Variants in BRINP1 observed in about 807,000 individuals in gnomAD.
BRINP1 encodes the protein BMP/retinoic acid inducible neural specific 1, also known as BMP/retinoic acid-inducible neural-specific protein 1.
In BRINP1, 17 loss-of-function variants were observed where a neutral mutation model predicts 72.9. The observed-to-expected ratio is 0.23, with a 90% CI of 0.16 to 0.35. BRINP1 has a LOEUF of 0.35. Among genes scored for constraint, BRINP1 ranks in the 10% least tolerant of loss-of-function variants. The pLI, the probability that BRINP1 is intolerant of heterozygous loss-of-function variation, is 1.00. For synonymous variants in BRINP1, 418 were observed against 378.5 expected (o/e 1.10, Z -1.21); for missense variants, 850 against 1,001.6 (o/e 0.85, Z 2.04).
At chr9:119,288,537 T>C (rs767023716) in intron 2 of BRINP1, among the ~76,000 whole-genome samples, 2 of 151,786 alleles carry the variant, frequency 1.3e-5, no homozygotes, top group Non-Finnish European at 2.9e-5. Flanking sequence ...CAAAATGAGG[T>C]CTTTTCATCA....
chr9:119,288,490 A>G (rs1830789696), intron 2 of BRINP1, among the ~76,000 whole-genome samples: 1 of 152,184 alleles, frequency 6.6e-6, no homozygotes, highest in Non-Finnish European at 1.5e-5. Context: ...GTAATGAGAA[A>G]GAGTGGGAAA....
At chr9:119,258,447 T>C (rs1830466865) in intron 2 of BRINP1, among the ~76,000 whole-genome samples, 1 of 152,160 alleles carries the variant, frequency 6.6e-6, no homozygotes, top group South Asian at 2.1e-4. Context: ...AAAGGAAGCT[T>C]AGAATGCACT....
intron 7 of BRINP1, among the ~76,000 whole-genome samples, chr9:119,169,009 T>G (rs1291287398): frequency 6.6e-6 from 1 of 152,166 alleles, no homozygotes; most frequent in South Asian, 2.1e-4. Context: ...TATAAATCAT[T>G]CTACTATAAA....
intron 1 of BRINP1, among the ~76,000 whole-genome samples, chr9:119,341,438 G>A (rs183500099): frequency 6.6e-6 from 1 of 152,258 alleles, no homozygotes; most frequent in African/African-American, 2.4e-5. Flanking sequence ...ACTTACAATG[G>A]TTTGACTTTG....
intron 5 of BRINP1, among the ~76,000 whole-genome samples, chr9:119,222,827 C>A (rs925758061): frequency 2.0e-5 from 3 of 151,888 alleles, no homozygotes; most frequent in Admixed American, 1.3e-4. Flanking sequence ...AGGAAGCCAG[C>A]ATACTTTTTT....
chr9:119,189,328 C>T (rs1236153227), intron 7 of BRINP1, among the ~76,000 whole-genome samples: 2 of 152,064 alleles, frequency 1.3e-5, no homozygotes, highest in Non-Finnish European at 2.9e-5. Context: ...TCTTCCGTAT[C>T]AATAATGACA....
chr9:119,211,641 G>A (rs1829929838), intron 6 of BRINP1, among the ~76,000 whole-genome samples: 1 of 152,232 alleles, frequency 6.6e-6, no homozygotes, highest in African/African-American at 2.4e-5. Context: ...CTTTGGGCTG[G>A]TCATTAATCT....
intron 7 of BRINP1, among the ~76,000 whole-genome samples, chr9:119,199,487 A>G (rs1478140112): frequency 1.3e-5 from 2 of 152,182 alleles, no homozygotes; most frequent in African/African-American, 2.4e-5. Flanking sequence ...AGAGATTTTC[A>G]TCTCAACAAT....
At chr9:119,203,780 T>C (rs1357648548) in intron 7 of BRINP1, among the ~76,000 whole-genome samples, 1 of 152,194 alleles carries the variant, frequency 6.6e-6, no homozygotes, top group Non-Finnish European at 1.5e-5. Context: ...TATTGCTTCA[T>C]TATTGTTGTT....
intron 7 of BRINP1, among the ~76,000 whole-genome samples, chr9:119,206,785 A>G (rs10760026): frequency 0.56 from 85,187 of 151,874 alleles, 24,331 homozygotes; most frequent in East Asian, 0.67. Context: ...TGCTCGATGC[A>G]GGTCTCATGG....
At chr9:119,208,619 C>A in intron 7 of BRINP1, 100 bp downstream of exon 7, 1 of 1,263,088 alleles carries the variant, frequency 7.9e-7, no homozygotes. Context: ...GTTTGCCACC[C>A]CACAAATGCA....
chr9:119,194,643 G>A (rs1188681679), intron 7 of BRINP1, among the ~76,000 whole-genome samples: 1 of 152,218 alleles, frequency 6.6e-6, no homozygotes, highest in Non-Finnish European at 1.5e-5. Flanking sequence ...CCTTGTGCAA[G>A]GCCTGGAGAA....
chr9:119,195,462 T>G (rs774113425), intron 7 of BRINP1, among the ~76,000 whole-genome samples: 5 of 152,200 alleles, frequency 3.3e-5, no homozygotes, highest in Non-Finnish European at 7.3e-5. Flanking sequence ...GGCCGACTGA[T>G]CCTCACTCTA....
At chr9:119,342,506 T>G (rs969043783) in intron 1 of BRINP1, among the ~76,000 whole-genome samples, 3 of 152,194 alleles carry the variant, frequency 2.0e-5, no homozygotes, top group African/African-American at 7.2e-5. Context: ...AGCCTGAGTT[T>G]TCATCCCAAA....
intron 1 of BRINP1, among the ~76,000 whole-genome samples, chr9:119,360,214 G>A (rs1009984956): frequency 2.5e-4 from 38 of 152,218 alleles, no homozygotes; most frequent in African/African-American, 9.2e-4. Context: ...TCTCCAAAAT[G>A]TGTCCCAGCA....
chr9:119,321,080 G>A (rs1470909518), intron 1 of BRINP1, among the ~76,000 whole-genome samples: 7 of 152,138 alleles, frequency 4.6e-5, no homozygotes, highest in Admixed American at 3.9e-4. Flanking sequence ...ACAGGCGCCT[G>A]CCACTGTGCC....
chr9:119,179,166 GAC>G (rs561276143), intron 7 of BRINP1, among the ~76,000 whole-genome samples: 304 of 152,276 alleles, frequency 2.0e-3, no homozygotes, highest in Non-Finnish European at 3.8e-3. Context: ...CACAAAGGCT[GAC>G]ACAACCCCAC....
rs373476157 is a variant in BRINP1 at position 119,168,135 on chromosome 9, C to T, written c.1235G>A (p.Ser412Asn). ...FWGTFLESQRSCVCHGSTTLC... is the reference protein window; with the variant it reads ...FWGTFLESQRNCVCHGSTTLC... Reference sequence around the variant, plus strand: ...CGTGGTGCTGCCGTGGCACACGCAGCTCCGCTGGCTCTCCAGGAAGGTTCC... The same window carrying T: ...CGTGGTGCTGCCGTGGCACACGCAGTTCCGCTGGCTCTCCAGGAAGGTTCC... Residue 412 changes from serine (S) to asparagine (N), a missense_variant, in exon 8 of 8, where the codon AGC becomes AAC. Transcript: ENST00000265922. The T allele has an allele frequency of 1.5e-4, 233 of 1,601,596 alleles. No homozygotes were observed. Among genetic ancestry groups the T allele is most frequent in the Non-Finnish European group, 1.9e-4 (225 of 1,172,458 alleles).
chr9:119,291,797 A>C (rs1564240142), intron 2 of BRINP1, among the ~76,000 whole-genome samples: 1 of 152,182 alleles, frequency 6.6e-6, no homozygotes, highest in African/African-American at 2.4e-5. Context: ...GCAAAAGAAT[A>C]GGATTCAAAA....
Sources: allele counts gnomAD v4.1 joint callset (sites outside exome capture counted in the v4.1 genomes callset), GRCh38; gene constraint gnomAD v4.1.1; transcripts MANE v1.5; gene names NCBI Gene and HGNC (gene_info 2026-07-23, HGNC 2026-07-21).